The following TSPAN11 variants were observed in gnomAD, a reference collection of about 807,000 sequenced individuals.
TSPAN11 encodes tetraspanin 11, also known as tetraspanin-11.
TSPAN11 carries 29 observed loss-of-function variants against 32.9 expected under a neutral mutation model. That is an observed-to-expected ratio of 0.88 (90% confidence interval 0.66 to 1.20). TSPAN11 has a LOEUF of 1.20. Ranked by LOEUF, TSPAN11 falls within the 50% of genes most tolerant of loss-of-function variation. TSPAN11 has a pLI of 0.00. For synonymous variants in TSPAN11, 140 were observed against 141.3 expected (o/e 0.99, Z 0.07); for missense variants, 283 against 329.1 (o/e 0.86, Z 1.08).
At chr12:30,947,291 G>A (rs1167783529) in intron 1 of TSPAN11, among the ~76,000 whole-genome samples, 1 of 152,190 alleles carries the variant, frequency 6.6e-6, no homozygotes, top group East Asian at 1.9e-4. Context: ...AGAAATAGTA[G>A]CTCCTCCTTC....
At chr12:31,014,582 T>C in the TSPAN11 span, among the ~76,000 whole-genome samples, 4 of 152,202 alleles carry the variant, frequency 2.6e-5, no homozygotes, top group East Asian at 1.9e-4. Flanking sequence ...CACATTAAAA[T>C]TGCACAACTG....
chr12:30,981,809 C>T (rs1164458281), intron 5 of TSPAN11, among the ~76,000 whole-genome samples: 2 of 152,224 alleles, frequency 1.3e-5, no homozygotes, highest in Non-Finnish European at 2.9e-5. Context: ...AAACATACCT[C>T]CACCCCACCC....
intron 1 of TSPAN11, among the ~76,000 whole-genome samples, chr12:30,944,168 CATAT>C (rs1320374235): frequency 6.6e-6 from 1 of 151,964 alleles, no homozygotes; most frequent in East Asian, 1.9e-4. Flanking sequence ...ATTTTTGAAG[CATAT>C]ATACATTGTG....
intron 2 of TSPAN11, among the ~76,000 whole-genome samples, chr12:30,962,023 A>G (rs1048518809): frequency 2.0e-5 from 3 of 152,124 alleles, no homozygotes; most frequent in Admixed American, 6.5e-5. Flanking sequence ...CTAAGATATC[A>G]TCAGTGGTAA....
chr12:30,982,446 G>A, intron 5 of TSPAN11, 86 bp from the exon 6 acceptor site: 1 of 1,507,492 alleles, frequency 6.6e-7, no homozygotes, highest in South Asian at 1.3e-5. Flanking sequence ...ATAGGGGTTG[G>A]GTTAGTATTT....
intron 7 of TSPAN11, among the ~76,000 whole-genome samples, chr12:30,984,354 G>C (rs1939157074): frequency 6.6e-6 from 1 of 152,184 alleles, no homozygotes; most frequent in African/African-American, 2.4e-5. Flanking sequence ...CATTTCCCCA[G>C]CTCTTAAGGT....
chr12:30,930,008 G>A (rs1937886401), intron 1 of TSPAN11, among the ~76,000 whole-genome samples: 1 of 152,182 alleles, frequency 6.6e-6, no homozygotes, highest in Admixed American at 6.5e-5. Flanking sequence ...GTTGGTTTAG[G>A]TGGGTTGTTG....
rs895262297 is a variant in TSPAN11, at chr12:30,992,078, G to A, written c.*163G>A. ...CCGAGTGCCTGAGACCATAGCTTCT[G>A]TGCCCACCCAGGCAGAGACCCTCGG... On this transcript the variant is annotated 3_prime_UTR_variant, in exon 8 of 8. Coordinates refer to ENST00000546076, the MANE Select transcript of TSPAN11 (RefSeq NM_001370302.1). 19 of 577,908 alleles carry A rather than the reference G, an allele frequency of 3.3e-5. 1 individual carries two copies. The highest frequency in any genetic ancestry group is 4.8e-5 in the African/African-American group (2 of 41,896). The allele number at this position is 577,908 out of a possible 1,614,324, so 35.8% of individuals were successfully genotyped here.
intron 1 of TSPAN11, among the ~76,000 whole-genome samples, chr12:30,932,821 A>G (rs1438840083): frequency 2.6e-5 from 4 of 152,226 alleles, no homozygotes; most frequent in Non-Finnish European, 4.4e-5. Flanking sequence ...GATAGGGACT[A>G]TTTTGAAAGC....
At chr12:30,945,265 C>T (rs536566217) in intron 1 of TSPAN11, among the ~76,000 whole-genome samples, 3 of 152,178 alleles carry the variant, frequency 2.0e-5, no homozygotes, top group Admixed American at 6.5e-5. Flanking sequence ...ATCTTGAAAG[C>T]GCTCCCCAGT....
the TSPAN11 span, among the ~76,000 whole-genome samples, chr12:31,012,166 C>T: frequency 6.6e-6 from 1 of 152,256 alleles, no homozygotes; most frequent in Non-Finnish European, 1.5e-5. Flanking sequence ...AGCCCAGCCA[C>T]GTGCCTTGCT....
intron 1 of TSPAN11, among the ~76,000 whole-genome samples, chr12:30,949,531 C>T (rs1450834303): frequency 6.6e-6 from 1 of 152,138 alleles, no homozygotes; most frequent in Non-Finnish European, 1.5e-5. Context: ...GACTTATTCA[C>T]TATCATGAGA....
At chr12:30,961,489 C>A (rs760994303) in intron 2 of TSPAN11, among the ~76,000 whole-genome samples, 16 of 151,916 alleles carry the variant, frequency 1.1e-4, no homozygotes, top group Non-Finnish European at 1.6e-4. Flanking sequence ...CCCGTGACCC[C>A]CTCTGGTGAC....
intron 2 of TSPAN11, among the ~76,000 whole-genome samples, chr12:30,958,542 T>A (rs929640210): frequency 6.6e-6 from 1 of 152,040 alleles, no homozygotes; most frequent in Non-Finnish European, 1.5e-5. Context: ...TCAGCTGTGC[T>A]CTCTCGGGGC....
chr12:30,931,137 A>T (rs1220530755), intron 1 of TSPAN11, among the ~76,000 whole-genome samples: 2 of 152,046 alleles, frequency 1.3e-5, no homozygotes, highest in African/African-American at 4.8e-5. Flanking sequence ...TGGCTTAGGC[A>T]TTCATTTTTT....
rs542103191 is a variant in TSPAN11, at chr12:30,992,490, G to A, written c.*575G>A. 9.8e-5 allele frequency: 16 copies of A among 163,824 alleles called. No homozygotes were observed. The East Asian group carries it at 2.6e-3, about 27-fold the overall frequency. The allele number at this position is 163,824 out of a possible 1,614,324, so 10.1% of individuals were successfully genotyped here. On this transcript the variant is annotated 3_prime_UTR_variant, in exon 8 of 8. Transcript: ENST00000546076. ...GCCTCATTCCTTCCTGAAGGGCCTA[G>A]GAGTGGGGAGGCCTGGGTAGGGCAG...
intron 1 of TSPAN11, among the ~76,000 whole-genome samples, chr12:30,947,553 G>A (rs976283784): frequency 3.3e-5 from 5 of 152,254 alleles, no homozygotes; most frequent in Non-Finnish European, 7.4e-5. Flanking sequence ...ACATGGTGGT[G>A]GCAAAAGAAA....
At chr12:31,000,691 C>T (rs76468150), downstream of TSPAN11, among the ~76,000 whole-genome samples, 36 of 152,262 alleles carry the variant, frequency 2.4e-4, no homozygotes, top group African/African-American at 8.4e-4. Flanking sequence ...AGGGTGGTGA[C>T]GGCTGATAAG....
chr12:30,964,832 G>A (rs1565796970), intron 3 of TSPAN11, among the ~76,000 whole-genome samples: 1 of 152,220 alleles, frequency 6.6e-6, no homozygotes, highest in Non-Finnish European at 1.5e-5. Flanking sequence ...TTACATTTGA[G>A]TTAGAATCTA....
Sources: allele counts gnomAD v4.1 joint callset (sites outside exome capture counted in the v4.1 genomes callset), GRCh38; gene constraint gnomAD v4.1.1; transcripts MANE v1.5; gene names NCBI Gene and HGNC (gene_info 2026-07-23, HGNC 2026-07-21).